The following CNBD1 variants were observed in gnomAD, a reference collection of about 807,000 sequenced individuals.
CNBD1 encodes the protein cyclic nucleotide binding domain containing 1.
In CNBD1, 71 loss-of-function variants were observed where a neutral mutation model predicts 54.4. That is an observed-to-expected ratio of 1.30 (90% CI 1.08 to 1.59). CNBD1 has a LOEUF of 1.59. CNBD1 is among the 40% of genes most tolerant of loss of function. The pLI, the probability that CNBD1 is intolerant of heterozygous loss-of-function variation, is 0.00. For synonymous variants in CNBD1, 182 were observed against 170.7 expected (o/e 1.07, Z -0.51); for missense variants, 659 against 518.0 (o/e 1.27, Z -2.64).
intron 4 of CNBD1, among the ~76,000 whole-genome samples, chr8:87,065,087 G>C (rs1319285169): frequency 6.6e-6 from 1 of 151,752 alleles, no homozygotes; most frequent in Non-Finnish European, 1.5e-5. Context: ...TTCTTAATTT[G>C]GTGGTGTCTT....
At chr8:86,964,687 A>T (rs1808025258) in intron 4 of CNBD1, among the ~76,000 whole-genome samples, 1 of 152,136 alleles carries the variant, frequency 6.6e-6, no homozygotes, top group African/African-American at 2.4e-5. Context: ...CCTGCCTAAA[A>T]TGACTTCTAA....
intron 4 of CNBD1, among the ~76,000 whole-genome samples, chr8:87,144,572 AG>A (rs2130741907): frequency 6.6e-6 from 1 of 152,372 alleles, no homozygotes; most frequent in Non-Finnish European, 1.5e-5. Flanking sequence ...GTAGAATCCC[AG>A]CACTTCGGGA....
chr8:87,017,764 A>G (rs1809397801), intron 4 of CNBD1, among the ~76,000 whole-genome samples: 1 of 152,066 alleles, frequency 6.6e-6, no homozygotes, highest in Non-Finnish European at 1.5e-5. Flanking sequence ...TTATTTGGGG[A>G]AAGTATGTTT....
rs538027711 is a variant in CNBD1, at chr8:87,226,596, G to A, written c.578-10323G>A. On this transcript the variant is annotated intron_variant, in intron 5 of 10. Transcript: ENST00000518476. ...TGAGTTCTAGTTTGATTGCACTGTG[G>A]TCTGAGAGATAGTTTGTTGTAATTT... Among the ~76,000 whole-genome samples the A allele has an allele frequency of 2.0e-4, 30 of 148,444 alleles. No homozygotes were observed. The East Asian group carries it at 5.6e-3, about 28-fold the overall frequency.
At chr8:86,877,026 G>A (rs888811006) in intron 1 of CNBD1, among the ~76,000 whole-genome samples, 1 of 151,894 alleles carries the variant, frequency 6.6e-6, no homozygotes, top group Non-Finnish European at 1.5e-5. Context: ...TTTAGAAAAT[G>A]CATATTTATA....
At chr8:86,934,811 T>C (rs1809516289) in intron 3 of CNBD1, among the ~76,000 whole-genome samples, 1 of 152,186 alleles carries the variant, frequency 6.6e-6, no homozygotes, top group South Asian at 2.1e-4. Flanking sequence ...GTAGGCTTTG[T>C]TATCTTCTAA....
intron 4 of CNBD1, among the ~76,000 whole-genome samples, chr8:87,101,701 A>G (rs538274823): frequency 4.2e-4 from 64 of 152,232 alleles, no homozygotes; most frequent in African/African-American, 1.5e-3. Context: ...TAAAGCATAT[A>G]TGGAATTTTA....
rs914489039 is a variant in CNBD1, at chr8:87,206,743, A to AT, written c.577+606dup. On this transcript the variant is annotated intron_variant, in intron 5 of 10. Transcript: ENST00000518476. ...TATATTTTAATTACGGGGGCTAGGC[A>AT]TATAATTTAATACATTCTTTATGTC... Among the ~76,000 whole-genome samples, 80 of 152,314 alleles carry AT rather than the reference A, an allele frequency of 5.3e-4. 1 individual carries two copies. The highest frequency in any genetic ancestry group is 1.8e-3 in the African/African-American group (74 of 41,584).
At chr8:87,042,456 T>C (rs2130611574) in intron 4 of CNBD1, among the ~76,000 whole-genome samples, 2 of 152,294 alleles carry the variant, frequency 1.3e-5, no homozygotes, top group South Asian at 4.1e-4. Context: ...TATACAATGA[T>C]GCTGTGAGTA....
intron 4 of CNBD1, 126 bp downstream of exon 4, chr8:86,939,880 G>T (rs1414427097): frequency 1.7e-6 from 1 of 574,440 alleles, no homozygotes; most frequent in Middle Eastern, 4.6e-4. Flanking sequence ...GTTGATTCAG[G>T]AGAGATGGAC....
intron 4 of CNBD1, among the ~76,000 whole-genome samples, chr8:86,990,064 GAATTGTTCA>G (rs1808709986): frequency 6.6e-6 from 1 of 152,100 alleles, no homozygotes; most frequent in African/African-American, 2.4e-5. Flanking sequence ...CTTTGCTATA[GAATTGTTCA>G]AGTTTCTTAT....
chr8:87,375,064 C>G (rs1418073242), intron 10 of CNBD1, among the ~76,000 whole-genome samples: 1 of 151,794 alleles, frequency 6.6e-6, no homozygotes, highest in East Asian at 1.9e-4. Flanking sequence ...ATCTTCCACT[C>G]AAAAATAATT....
intron 8 of CNBD1, among the ~76,000 whole-genome samples, chr8:87,324,943 G>A (rs1809635939): frequency 1.9e-5 from 2 of 107,884 alleles, no homozygotes; most frequent in Non-Finnish European, 1.9e-5. Flanking sequence ...GGCATTCAGT[G>A]CTATAAATTT....
intron 8 of CNBD1, among the ~76,000 whole-genome samples, chr8:87,302,336 A>T (rs945770598): frequency 2.0e-5 from 3 of 152,214 alleles, no homozygotes; most frequent in African/African-American, 7.2e-5. Flanking sequence ...GGTTCAACAT[A>T]TGCAAATCAA....
intron 5 of CNBD1, among the ~76,000 whole-genome samples, chr8:87,229,063 C>G (rs1050148940): frequency 2.6e-5 from 4 of 152,214 alleles, no homozygotes; most frequent in African/African-American, 9.6e-5. Flanking sequence ...AACTCCCTGA[C>G]CCCTTGTGCT....
intron 4 of CNBD1, among the ~76,000 whole-genome samples, chr8:87,107,189 C>T (rs939624777): frequency 6.6e-6 from 1 of 152,188 alleles, no homozygotes; most frequent in Non-Finnish European, 1.5e-5. Context: ...CAGAACTAAA[C>T]TCTTGGTTTT....
At chr8:87,024,162 C>G (rs1414543202) in intron 4 of CNBD1, among the ~76,000 whole-genome samples, 2 of 148,962 alleles carry the variant, frequency 1.3e-5, no homozygotes, top group African/African-American at 4.9e-5. Context: ...TGGTGTGAAC[C>G]CAGGAGGCAG....
In CNBD1 at chr8:87,410,646, C is replaced by A. The variant is rs145492430; in HGVS notation, c.214-17900C>A. 5.1e-4 allele frequency among the ~76,000 whole-genome samples: 77 copies of A among 152,226 alleles called. 1 individual carries two copies. In the East Asian group the frequency reaches 0.013, roughly 26 times the overall value. ...CAATGACAGGATTTGAGAGGATTGA[C>A]TGACAGGATTTGGGAGGATTGACTG... On this transcript the variant is annotated intron_variant, in intron 2 of 7. Transcript: ENST00000521593.
chr8:87,050,066 G>C (rs991300245), intron 4 of CNBD1, among the ~76,000 whole-genome samples: 1 of 152,172 alleles, frequency 6.6e-6, no homozygotes, highest in East Asian at 1.9e-4. Context: ...GCTTTAGCTA[G>C]TTAAAGGATT....
Sources: allele counts gnomAD v4.1 joint callset (sites outside exome capture counted in the v4.1 genomes callset), GRCh38; gene constraint gnomAD v4.1.1; transcripts MANE v1.5; gene names NCBI Gene and HGNC (gene_info 2026-07-23, HGNC 2026-07-21).